NRG1: variants seen among roughly 807,000 people sequenced by gnomAD.
NRG1 encodes pro-neuregulin-1, membrane-bound isoform.
A neutral mutation model predicts 63.8 loss-of-function variants in NRG1; 18 were observed. The observed-to-expected ratio is 0.28, with a 90% CI of 0.19 to 0.42. NRG1 has a LOEUF of 0.42. NRG1 is among the 10% of genes least tolerant of loss of function. The pLI is 1.00. For missense variants in NRG1, 762 were observed against 814.7 expected, an observed-to-expected ratio of 0.94 and a Z score of 0.79; for synonymous variants, 302 against 301.3, an observed-to-expected ratio of 1.00 and a Z score of -0.02.
intron 1 of NRG1, among the ~76,000 whole-genome samples, chr8:32,145,868 C>G (rs1836814187): frequency 6.6e-6 from 1 of 152,198 alleles, no homozygotes; most frequent in Non-Finnish European, 1.5e-5. Context: ...AGTGTAACCA[C>G]TGGTCCTTTG....
At chr8:31,704,772 C>T (rs1810970554) in intron 1 of NRG1, among the ~76,000 whole-genome samples, 1 of 147,612 alleles carries the variant, frequency 6.8e-6, no homozygotes, top group South Asian at 2.1e-4. Flanking sequence ...GTGGAGCTTG[C>T]AGTGAGCCGA....
intron 1 of NRG1, among the ~76,000 whole-genome samples, chr8:32,234,691 C>T (rs749657337): frequency 2.6e-5 from 4 of 152,050 alleles, no homozygotes; most frequent in Admixed American, 6.6e-5. Flanking sequence ...AAATTCTGGG[C>T]CTCCTCAAAA....
At chr8:31,813,166 A>T (rs1229954989) in intron 1 of NRG1, among the ~76,000 whole-genome samples, 2 of 152,234 alleles carry the variant, frequency 1.3e-5, no homozygotes, top group Non-Finnish European at 2.9e-5. Context: ...TACCTTTTGC[A>T]TATAAGAAAG....
chr8:32,450,632 T>C (rs557597172), intron 1 of NRG1, among the ~76,000 whole-genome samples: 64 of 152,190 alleles, frequency 4.2e-4, no homozygotes, highest in African/African-American at 1.5e-3. Context: ...CCCAGGCTGG[T>C]CTTGAACTCC....
chr8:31,704,951 G>A (rs754550007), intron 1 of NRG1, among the ~76,000 whole-genome samples: 2 of 151,884 alleles, frequency 1.3e-5, no homozygotes, highest in African/African-American at 2.4e-5. Flanking sequence ...ATTGTTTGAA[G>A]AAAAGCCTTA....
At chr8:32,159,464 G>A (rs1838569926) in intron 1 of NRG1, among the ~76,000 whole-genome samples, 2 of 148,948 alleles carry the variant, frequency 1.3e-5, no homozygotes, top group South Asian at 4.2e-4. Flanking sequence ...AACCCAGGAA[G>A]CGGTGCTTGC....
intron 1 of NRG1, among the ~76,000 whole-genome samples, chr8:32,387,607 C>T (rs1033637661): frequency 3.3e-5 from 5 of 152,136 alleles, no homozygotes; most frequent in Admixed American, 2.0e-4. Context: ...GTAATATTTA[C>T]CTACTTGTCC....
chr8:31,993,710 G>T (rs1811461425), intron 1 of NRG1, among the ~76,000 whole-genome samples: 1 of 151,986 alleles, frequency 6.6e-6, no homozygotes, highest in Non-Finnish European at 1.5e-5. Context: ...AGCAGCATGA[G>T]AATGGACTAA....
intron 1 of NRG1, among the ~76,000 whole-genome samples, chr8:31,982,693 G>A (rs1809355237): frequency 6.6e-6 from 1 of 152,102 alleles, no homozygotes; most frequent in South Asian, 2.1e-4. Flanking sequence ...GGGAATCACA[G>A]TCAGATGTGG....
intron 5 of NRG1, among the ~76,000 whole-genome samples, chr8:32,714,403 G>A (rs1234451380): frequency 6.6e-6 from 1 of 152,172 alleles, no homozygotes; most frequent in Non-Finnish European, 1.5e-5. Context: ...TAATAGTATT[G>A]TTAACTATTG....
At chr8:32,040,542 T>C (rs960266911) in intron 1 of NRG1, among the ~76,000 whole-genome samples, 1 of 151,346 alleles carries the variant, frequency 6.6e-6, no homozygotes, top group Non-Finnish European at 1.5e-5. Context: ...AAAAGATTAA[T>C]TTCATTTGGT....
chr8:32,688,696 A>C (rs1461721586), intron 5 of NRG1, among the ~76,000 whole-genome samples: 2 of 152,220 alleles, frequency 1.3e-5, no homozygotes, highest in African/African-American at 4.8e-5. Context: ...GAGCCAGTGT[A>C]ATAACAGTGA....
chr8:31,910,653 G>A (rs1488777213), intron 1 of NRG1, among the ~76,000 whole-genome samples: 2 of 152,190 alleles, frequency 1.3e-5, no homozygotes, highest in Non-Finnish European at 2.9e-5. Context: ...CAAAGGAGAA[G>A]TCTGGGTCAG....
intron 1 of NRG1, among the ~76,000 whole-genome samples, chr8:32,186,409 C>A (rs1300558931): frequency 6.9e-6 from 1 of 144,892 alleles, no homozygotes; most frequent in Non-Finnish European, 1.5e-5. Flanking sequence ...TGCAGTAAGC[C>A]GAGATGGCGC....
At chr8:32,332,416 C>G (rs1370688657) in intron 1 of NRG1, among the ~76,000 whole-genome samples, 2 of 152,212 alleles carry the variant, frequency 1.3e-5, no homozygotes, top group East Asian at 1.9e-4. Context: ...TCCCTGACCC[C>G]CTTCTTGACA....
intron 1 of NRG1, among the ~76,000 whole-genome samples, chr8:31,792,027 G>T (rs1030476905): frequency 6.6e-6 from 1 of 152,114 alleles, no homozygotes; most frequent in African/African-American, 2.4e-5. Flanking sequence ...CAGCAGCCAG[G>T]TTGGCCTTTT....
chr8:31,876,713 CATT>C (rs1441855101), intron 1 of NRG1, among the ~76,000 whole-genome samples: 2 of 152,134 alleles, frequency 1.3e-5, no homozygotes, highest in Non-Finnish European at 2.9e-5. Context: ...TTGCATTTGA[CATT>C]ATCTACCCAA....
At chr8:32,490,793 G>C (rs988958110) in intron 1 of NRG1, among the ~76,000 whole-genome samples, 1 of 151,986 alleles carries the variant, frequency 6.6e-6, no homozygotes, top group East Asian at 1.9e-4. Flanking sequence ...ACCTAAAAAA[G>C]TAGCCAAGTT....
intron 1 of NRG1, among the ~76,000 whole-genome samples, chr8:31,944,149 G>C (rs1465474309): frequency 6.6e-6 from 1 of 151,894 alleles, no homozygotes; most frequent in Non-Finnish European, 1.5e-5. Flanking sequence ...TGTCTCTTTA[G>C]CCTAGTCAGA....
Sources: allele counts gnomAD v4.1 joint callset (sites outside exome capture counted in the v4.1 genomes callset), GRCh38; gene constraint gnomAD v4.1.1; transcripts MANE v1.5; gene names NCBI Gene and HGNC (gene_info 2026-07-23, HGNC 2026-07-21).